Variants in PSG6 observed in about 807,000 individuals in gnomAD.
PSG6 encodes the protein pregnancy specific beta-1-glycoprotein 6, also known as pregnancy-specific beta-1-glycoprotein 6.
PSG6 carries 51 observed loss-of-function variants against 43.3 expected under a neutral mutation model. That is an observed-to-expected ratio of 1.18 (90% CI 0.94 to 1.49). The LOEUF is 1.49. Ranked by LOEUF, PSG6 falls within the 40% of genes most tolerant of loss-of-function variation. The probability of loss-of-function intolerance (pLI) is 0.00; values close to 1 mark genes in which losing one functional copy is unlikely to be tolerated. For synonymous variants in PSG6, 292 were observed against 197.6 expected, an observed-to-expected ratio of 1.48 and a Z score of -4.01; for missense variants, 770 against 522.2, an observed-to-expected ratio of 1.47 and a Z score of -4.62.
intron 3 of PSG6, chr19:42,909,550 A>T (rs1972179284): frequency 6.6e-6 from 1 of 151,694 alleles, no homozygotes; most frequent in Non-Finnish European, 1.5e-5. Flanking sequence ...CATGAAAATG[A>T]AATGTGTTTC....
At chr19:42,917,203 G>C (rs1972353430) in intron 1 of PSG6, among the ~76,000 whole-genome samples, 1 of 151,242 alleles carries the variant, frequency 6.6e-6, no homozygotes, top group Non-Finnish European at 1.5e-5. Context: ...GGCCCCTGAT[G>C]ATTAATCAGG....
intron 2 of PSG6, 87 bp from the exon 3 acceptor site, chr19:42,910,945 C>T (rs1600545511): frequency 1.3e-6 from 2 of 1,524,912 alleles, no homozygotes; most frequent in East Asian, 4.5e-5. Flanking sequence ...GCATTTCCAA[C>T]CTCTCAGCCC....
At chr19:42,907,355 T>G (rs1458723134) in intron 4 of PSG6, among the ~76,000 whole-genome samples, 179 bp from the exon 5 acceptor site, 2 of 151,930 alleles carry the variant, frequency 1.3e-5, no homozygotes, top group Non-Finnish European at 2.9e-5. Context: ...CATTACAAGC[T>G]GTGGGCCCCT....
chr19:42,910,788 T>A lies in PSG6; in HGVS notation c.498A>T (p.Leu166Phe). 3 of 1,612,236 alleles carry A rather than the reference T, an allele frequency of 1.9e-6. No individual in the cohort carries two copies. The highest frequency in any genetic ancestry group is 1.1e-5 in the South Asian group (1 of 90,602). Residue 166 changes from leucine (L) to phenylalanine (F), a missense_variant, in exon 3 of 6, where the codon TTA becomes TTT. Coordinates refer to ENST00000187910, the MANE Select transcript of PSG6 (RefSeq NM_001031850.4). ...NPREVMEAVR[L>F]ICDPETPDAS... ...CATCCGGAGTCTCAGGATCACAGAT[T>A]AAGCGCACAGCCTCCATGACCTCCC...
chr19:42,912,650 C>A (rs746030007), intron 2 of PSG6, among the ~76,000 whole-genome samples: 13 of 151,936 alleles, frequency 8.6e-5, no homozygotes, highest in African/African-American at 2.9e-4. Context: ...AGTTACAAAA[C>A]ATGGGGAGGA....
chr19:42,914,169 G>T (rs1972279478), intron 2 of PSG6, among the ~76,000 whole-genome samples: 1 of 151,532 alleles, frequency 6.6e-6, no homozygotes, highest in Non-Finnish European at 1.5e-5. Context: ...AAGAGCCCTG[G>T]ATGGGAATAC....
intron 5 of PSG6, 90 bp from the exon 6 acceptor site, chr19:42,902,536 T>C: frequency 6.4e-7 from 1 of 1,551,042 alleles, no homozygotes; most frequent in South Asian, 1.2e-5. Flanking sequence ...CCAGCAAGGG[T>C]GTGAAAGCAA....
chr19:42,913,705 T>A lies in PSG6; in HGVS notation c.427+2420A>T, dbSNP rs1972270198. Among the ~76,000 whole-genome samples the A allele has an allele frequency of 2.0e-5, 3 of 151,792 alleles. No individual in the cohort carries two copies. In the South Asian group the frequency reaches 6.3e-4, roughly 32 times the overall value. On this transcript the variant is annotated intron_variant, in intron 2 of 5. Transcript: ENST00000187910. ...TCACTATTGTAGAACGTGAGATTGG[T>A]CTTTTGAAATGTTTCTCATTCTTTT...
chr19:42,904,086 A>G (rs1301093218), intron 5 of PSG6, among the ~76,000 whole-genome samples: 1 of 151,766 alleles, frequency 6.6e-6, no homozygotes, highest in East Asian at 1.9e-4. Flanking sequence ...TTGAATCAAT[A>G]AAAGCATTTG....
At chr19:42,903,601 A>G in intron 5 of PSG6, 1 of 1,406,252 alleles carries the variant, frequency 7.1e-7, no homozygotes, top group South Asian at 1.6e-5. Flanking sequence ...ATCATAAATG[A>G]AAATGGACTC....
intron 5 of PSG6, among the ~76,000 whole-genome samples, chr19:42,903,063 A>G (rs370315206): frequency 4.0e-5 from 6 of 151,538 alleles, no homozygotes; most frequent in Non-Finnish European, 8.8e-5. Flanking sequence ...GAAGCTTAGC[A>G]TGGTGTAAAA....
intron 2 of PSG6, among the ~76,000 whole-genome samples, chr19:42,911,162 C>G (rs977434781): frequency 1.1e-4 from 17 of 151,604 alleles, no homozygotes; most frequent in Non-Finnish European, 8.8e-5. Context: ...CCCTCCGTCT[C>G]CAACTGCCTG....
chr19:42,903,480 A>C, intron 5 of PSG6: 1 of 790,006 alleles, frequency 1.3e-6, no homozygotes, highest in East Asian at 3.1e-5. Context: ...TGGAAACAGA[A>C]TAGAGGAAAT....
chr19:42,910,466 T>A, intron 3 of PSG6, 114 bp downstream of exon 3: 4 of 1,610,288 alleles, frequency 2.5e-6, no homozygotes, highest in Non-Finnish European at 3.4e-6. Flanking sequence ...CCAGCTTTGA[T>A]GTTCAGGGAT....
rs756542999 is a variant in PSG6 at position 42,916,208 on chromosome 19, T to G, written c.344A>C (p.Asp115Ala). The G allele has an allele frequency of 6.2e-7, 1 of 1,612,130 alleles. No homozygotes were observed. Among genetic ancestry groups the G allele is most frequent in the African/African-American group, 1.3e-5 (1 of 74,720 alleles). ...GATGTGTAAGGTGTAGGATCCTGCATCCTCCTGTGTGACATTCTGGATCAG... is the reference window on the plus strand; with the variant it reads ...GATGTGTAAGGTGTAGGATCCTGCAGCCTCCTGTGTGACATTCTGGATCAG... ...SLLIQNVTQE[D>A]AGSYTLHIIK... Residue 115 changes from aspartate to alanine, a missense_variant, in exon 2 of 6, where the codon GAT becomes GCT. Asp to Ala is a moderately radical substitution (Grantham distance 126). Transcript: ENST00000187910.
At chr19:42,911,976 G>A (rs961161179) in intron 2 of PSG6, among the ~76,000 whole-genome samples, 5 of 151,598 alleles carry the variant, frequency 3.3e-5, no homozygotes, top group African/African-American at 1.2e-4. Context: ...GAGATCTCCT[G>A]TGCAGCCTCG....
In PSG6 at chr19:42,916,415, GA is replaced by G. The variant is rs766441817; in HGVS notation, c.136del (p.Ser46ProfsTer27). On this transcript the variant is annotated frameshift_variant, in exon 2 of 6. Coordinates refer to ENST00000187910, the MANE Select transcript of PSG6 (RefSeq NM_001031850.4). LOFTEE classifies it high-confidence loss of function. ...AAGTAGAAGAACATCCTTCCCCTCG[GA>G]AACTTTGGGTGGCTTGGCTTCAATT... Reference protein sequence around the residue: ...VIIEAKPPKVSEGKDVLLLVH... With the variant: ...VIIEAKPPKVXEGKDVLLLVH... The G allele has an allele frequency of 1.0e-3, 1,635 of 1,612,142 alleles. 53 individuals are homozygous for G. The Middle Eastern group carries it at 0.025, about 25-fold the overall frequency.
intron 1 of PSG6, among the ~76,000 whole-genome samples, chr19:42,916,939 G>C (rs1391443092): frequency 6.6e-6 from 1 of 151,378 alleles, no homozygotes; most frequent in African/African-American, 2.4e-5. Flanking sequence ...CTCTTTGCAT[G>C]TCTGTCTTCC....
rs775243502 is a variant in PSG6, at chr19:42,917,743, C to T, written c.50G>A (p.Gly17Glu). Residue 17 changes from glycine (G) to glutamate (E), a missense_variant, in exon 1 of 6, where the codon GGG becomes GAG. Physicochemically the swap from Gly to Glu is moderately conservative, Grantham distance 98. Transcript: ENST00000187910. ...CCTCTCCTCACCTGTGAGCAGGAGC[C>T]CCTTCCAGGTGATGTGCTGAGTGCA... ...PPCTQHITWK[G>E]LLLTASLLNF... The T allele has an allele frequency of 1.2e-6, 2 of 1,610,210 alleles. No individual in the cohort carries two copies. Among genetic ancestry groups the T allele is most frequent in the Non-Finnish European group, 1.7e-6 (2 of 1,177,898 alleles).
Sources: gnomAD v4.1 joint callset for allele counts (sites outside exome capture counted in the v4.1 genomes callset) on GRCh38, gnomAD v4.1.1 for gene constraint, MANE v1.5 for transcripts, NCBI Gene and HGNC (gene_info 2026-07-23, HGNC 2026-07-21) for gene names.